Variants in BORCS5 observed in about 807,000 individuals in gnomAD.
BORCS5 encodes the protein BLOC-1-related complex subunit 5.
In BORCS5, 17 loss-of-function variants were observed where a neutral mutation model predicts 22.1. The ratio of observed to expected loss-of-function variants is 0.77; its 90% CI spans 0.53 to 1.15. The LOEUF is 1.15. Ranked by LOEUF, BORCS5 falls within the 50% of genes most tolerant of loss-of-function variation. The pLI is 0.00. For synonymous variants in BORCS5, 117 were observed against 99.8 expected (o/e 1.17, Z -1.03); for missense variants, 247 against 253.2 (o/e 0.98, Z 0.17).
At chr12:12,405,859 CAGAT>C (rs1367249288) in intron 2 of BORCS5, among the ~76,000 whole-genome samples, 3 of 152,170 alleles carry the variant, frequency 2.0e-5, no homozygotes, top group Non-Finnish European at 1.5e-5. Flanking sequence ...CTGATTTAAG[CAGAT>C]AAAGAAATTA....
intron 3 of BORCS5, among the ~76,000 whole-genome samples, chr12:12,440,210 A>G (rs1188498646): frequency 3.9e-5 from 6 of 152,196 alleles, no homozygotes; most frequent in African/African-American, 1.4e-4. Flanking sequence ...CCTTATGTTA[A>G]ATTTGGATGA....
chr12:12,417,299 CTTCA>C (rs1941993206), intron 2 of BORCS5, among the ~76,000 whole-genome samples: 1 of 152,094 alleles, frequency 6.6e-6, no homozygotes, highest in Non-Finnish European at 1.5e-5. Context: ...AGATTTCTAA[CTTCA>C]TTCTATTGTG....
chr12:12,415,533 G>A (rs1184272394), intron 2 of BORCS5, among the ~76,000 whole-genome samples: 1 of 115,192 alleles, frequency 8.7e-6, no homozygotes, highest in Non-Finnish European at 1.8e-5. Context: ...ATCAGAGGGA[G>A]ACCGTGGAAG....
intron 3 of BORCS5, among the ~76,000 whole-genome samples, chr12:12,463,228 T>C (rs767254981): frequency 5.3e-5 from 8 of 152,162 alleles, no homozygotes; most frequent in Non-Finnish European, 7.3e-5. Context: ...GGATTATGGA[T>C]CAAGGACAAT....
chr12:12,465,128 C>T (rs1386461846), intron 3 of BORCS5, among the ~76,000 whole-genome samples: 2 of 152,120 alleles, frequency 1.3e-5, no homozygotes, highest in South Asian at 2.1e-4. Flanking sequence ...CACACCACCA[C>T]GCCCATCTGC....
intron 3 of BORCS5, among the ~76,000 whole-genome samples, chr12:12,448,189 A>G (rs1306441016): frequency 6.6e-6 from 1 of 151,798 alleles, no homozygotes; most frequent in Non-Finnish European, 1.5e-5. Context: ...CTCTTTGTCC[A>G]TTGTCTTCAA....
intron 2 of BORCS5, among the ~76,000 whole-genome samples, chr12:12,400,243 T>G (rs1334284520): frequency 6.6e-6 from 1 of 152,204 alleles, no homozygotes; most frequent in Non-Finnish European, 1.5e-5. Flanking sequence ...AAAATCTTGT[T>G]TTTATCACAG....
chr12:12,447,420 A>G (rs1942811499), intron 3 of BORCS5, among the ~76,000 whole-genome samples: 1 of 152,116 alleles, frequency 6.6e-6, no homozygotes, highest in African/African-American at 2.4e-5. Flanking sequence ...GGAACCGTTT[A>G]TGTGGTAAAG....
intron 2 of BORCS5, among the ~76,000 whole-genome samples, chr12:12,369,271 A>C (rs1034080059): frequency 2.0e-5 from 3 of 152,194 alleles, no homozygotes; most frequent in Non-Finnish European, 4.4e-5. Context: ...TTTGCATAGT[A>C]TACCTTTTAC....
chr12:12,386,089 C>A (rs1863873326), intron 2 of BORCS5, among the ~76,000 whole-genome samples: 1 of 150,802 alleles, frequency 6.6e-6, no homozygotes, highest in South Asian at 2.1e-4. Context: ...CAACCTCTGC[C>A]TCCTGAGTTC....
chr12:12,414,518 A>C (rs1242165866), intron 2 of BORCS5, among the ~76,000 whole-genome samples: 7 of 41,954 alleles, frequency 1.7e-4, no homozygotes, highest in Admixed American at 2.1e-4. Flanking sequence ...CGGGCAGAGG[A>C]GCCCCTCACC....
chr12:12,361,329 C>G lies in BORCS5; in HGVS notation c.182C>G (p.Thr61Ser). ...GTCATCAAGTTGCAAGAGATTCCAA[C>G]CTTCCAGCCCCTTTTGAAAGGTAAA... ...PDVIKLQEIP[T>S]FQPLLKGLLS... Residue 61 changes from threonine (T) to serine (S), a missense_variant, in exon 2 of 4, where the codon ACC becomes AGC. Thr to Ser is a moderately conservative substitution (Grantham distance 58). Coordinates refer to ENST00000314565, the MANE Select transcript of BORCS5 (RefSeq NM_058169.6). The G allele has an allele frequency of 6.2e-7, 1 of 1,614,118 alleles. No individual in the cohort carries two copies. The highest frequency in any genetic ancestry group is 2.2e-5 in the East Asian group (1 of 44,872).
chr12:12,451,654 C>T (rs1278665735), intron 3 of BORCS5, among the ~76,000 whole-genome samples: 4 of 152,130 alleles, frequency 2.6e-5, no homozygotes, highest in African/African-American at 9.7e-5. Context: ...GAGGCCGAGG[C>T]GGGCGGATCA....
At chr12:12,402,975 CT>C (rs890062714) in intron 2 of BORCS5, among the ~76,000 whole-genome samples, 1 of 152,118 alleles carries the variant, frequency 6.6e-6, no homozygotes, top group African/African-American at 2.4e-5. Flanking sequence ...TGTTTAGGTA[CT>C]ACTCATTATT....
rs1341648382 is a variant in BORCS5, at chr12:12,357,519, C to T, written c.58+10C>T. On this transcript the variant is annotated intron_variant, in intron 1 of 3. Transcript: ENST00000314565. Reference sequence around the variant, plus strand: ...GATCTGAACTCCTCAGGTCGGTGTCCTAACCTCCCACCCTCCTCCAGCCCG... The same window carrying T: ...GATCTGAACTCCTCAGGTCGGTGTCTTAACCTCCCACCCTCCTCCAGCCCG... The T allele has an allele frequency of 3.1e-6, 5 of 1,603,998 alleles. No individual in the cohort carries two copies. Among genetic ancestry groups the T allele is most frequent in the Non-Finnish European group, 4.3e-6 (5 of 1,171,992 alleles).
chr12:12,419,076 G>C (rs1359143544), intron 2 of BORCS5, among the ~76,000 whole-genome samples: 1 of 151,846 alleles, frequency 6.6e-6, no homozygotes, highest in Non-Finnish European at 1.5e-5. Flanking sequence ...TTAAGTTCTA[G>C]GGTACATGTG....
intron 2 of BORCS5, among the ~76,000 whole-genome samples, chr12:12,414,032 T>C (rs868571637): frequency 0.29 from 10,591 of 36,298 alleles, 1,788 homozygotes; most frequent in African/African-American, 0.5. Flanking sequence ...CCTCACCTCC[T>C]GGACGGGGCG....
At chr12:12,457,742 GC>G (rs1943024863) in intron 3 of BORCS5, among the ~76,000 whole-genome samples, 1 of 152,212 alleles carries the variant, frequency 6.6e-6, no homozygotes. Context: ...TGGGTAGTCT[GC>G]CCACAGAGGA....
chr12:12,367,665 C>T (rs1863433013), intron 2 of BORCS5, among the ~76,000 whole-genome samples: 2 of 152,186 alleles, frequency 1.3e-5, no homozygotes, highest in African/African-American at 4.8e-5. Flanking sequence ...TTGCTTTCAA[C>T]CGATTGAGAA....
Sources: allele counts gnomAD v4.1 joint callset (sites outside exome capture counted in the v4.1 genomes callset), GRCh38; gene constraint gnomAD v4.1.1; transcripts MANE v1.5; gene names NCBI Gene and HGNC (gene_info 2026-07-23, HGNC 2026-07-21).